APLF: variants seen among roughly 807,000 people sequenced by gnomAD.
APLF encodes the protein aprataxin and PNK-like factor.
APLF carries 61 observed loss-of-function variants against 55.6 expected under a neutral mutation model. The ratio of observed to expected loss-of-function variants is 1.10; its 90% CI spans 0.89 to 1.36. The LOEUF (loss-of-function observed/expected upper bound fraction) is 1.36, where lower values mean the gene tolerates loss of function less well. Among genes scored for constraint, APLF ranks in the 40% most tolerant of loss-of-function variants. The probability of loss-of-function intolerance (pLI) is 0.00; values close to 1 mark genes in which losing one functional copy is unlikely to be tolerated. For missense variants in APLF, 611 were observed against 602.5 expected (o/e 1.01, Z -0.15); for synonymous variants, 207 against 214.8 (o/e 0.96, Z 0.32).
chr2:68,493,296 A>G (rs908239092), intron 2 of APLF, among the ~76,000 whole-genome samples: 1 of 152,156 alleles, frequency 6.6e-6, no homozygotes, highest in African/African-American at 2.4e-5. Context: ...AGTTTTTATC[A>G]GTAAATGGTA....
intron 1 of APLF, among the ~76,000 whole-genome samples, chr2:68,482,545 C>T (rs548595508): frequency 6.6e-6 from 1 of 152,244 alleles, no homozygotes; most frequent in East Asian, 1.9e-4. Flanking sequence ...TAGGCTACTT[C>T]TCAGGCTGAG....
chr2:68,481,384 T>TTTGTTTTTG lies in APLF; in HGVS notation c.97-8804_97-8803insGTTTTTGTT, dbSNP rs1359145048. On this transcript the variant is annotated intron_variant, in intron 1 of 9. Coordinates refer to ENST00000303795, the MANE Select transcript of APLF (RefSeq NM_173545.3). ...GCAGTTTTGTTTTGTTTTGTTTTGT[T>TTTGTTTTTG]TTTGTTTGTTTGTTTGTTTTTTCCT... 8.4e-4 allele frequency among the ~76,000 whole-genome samples: 124 copies of TTTGTTTTTG among 146,886 alleles called. 3 individuals carry two copies. The East Asian group carries it at 0.024, about 29-fold the overall frequency.
chr2:68,518,959 A>G (rs1669788202), intron 5 of APLF, among the ~76,000 whole-genome samples: 1 of 123,626 alleles, frequency 8.1e-6, no homozygotes, highest in Non-Finnish European at 1.6e-5. Flanking sequence ...ATTATTAATA[A>G]TACATAATAA....
chr2:68,513,799 G>GTA, intron 5 of APLF, 119 bp downstream of exon 5: 1 of 1,158,892 alleles, frequency 8.6e-7, no homozygotes, highest in Non-Finnish European at 1.2e-6. Context: ...TTGTGTAAGT[G>GTA]TATAGCCTAG....
In APLF at chr2:68,526,111, C is replaced by T; in HGVS notation, c.673C>T (p.Gln225Ter). ...GKEEICKDKS[Q>*]LNTTQQGRRQ... ...AGAAGAAATCTGCAAAGATAAATCC[C>T]AGCTAAACACAACCCAGCAAGGAAG... The change falls in exon 6 of 10, where the codon CAG becomes TAG. Residue 225 changes from glutamine to a stop codon, truncating the protein, a stop_gained. Transcript: ENST00000303795. LOFTEE classifies it high-confidence loss of function. 6.2e-7 allele frequency: 1 copy of T among 1,613,658 alleles called. No homozygotes were observed. The highest frequency in any genetic ancestry group is 2.2e-5 in the East Asian group (1 of 44,846).
At chr2:68,514,568 A>G (rs1218413455) in intron 5 of APLF, among the ~76,000 whole-genome samples, 1 of 151,744 alleles carries the variant, frequency 6.6e-6, no homozygotes, top group Non-Finnish European at 1.5e-5. Context: ...TGGGCCCCAT[A>G]CAAATGTAGT....
chr2:68,518,530 A>G (rs1310956718), intron 5 of APLF, among the ~76,000 whole-genome samples: 1 of 117,706 alleles, frequency 8.5e-6, no homozygotes, highest in Non-Finnish European at 1.6e-5. Context: ...TATATTATAT[A>G]TTAATATATA....
At chr2:68,554,204 A>G (rs976752566) in intron 8 of APLF, among the ~76,000 whole-genome samples, 13 of 152,034 alleles carry the variant, frequency 8.6e-5, no homozygotes, top group Non-Finnish European at 1.9e-4. Context: ...AAAAAATAGG[A>G]TATGGATCAT....
intron 3 of APLF, among the ~76,000 whole-genome samples, chr2:68,503,232 AC>A (rs1249272372): frequency 1.1e-4 from 16 of 152,300 alleles, no homozygotes; most frequent in Admixed American, 2.6e-4. Context: ...GAAATTGACT[AC>A]CTTTTCCTCA....
intron 8 of APLF, among the ~76,000 whole-genome samples, chr2:68,551,436 A>G (rs1670857106): frequency 6.6e-6 from 1 of 151,394 alleles, no homozygotes; most frequent in African/African-American, 2.4e-5. Flanking sequence ...TATTGTGTCT[A>G]CTCTATTTTA....
intron 7 of APLF, among the ~76,000 whole-genome samples, chr2:68,539,824 A>G (rs1049648680): frequency 1.3e-5 from 2 of 152,168 alleles, no homozygotes; most frequent in African/African-American, 2.4e-5. Context: ...AGTTTCTCCC[A>G]TGATGTTGGG....
chr2:68,567,934 T>G lies in APLF; in HGVS notation c.1333+547T>G, dbSNP rs1246169859. 2.0e-5 allele frequency among the ~76,000 whole-genome samples: 3 copies of G among 152,068 alleles called. No individual in the cohort carries two copies. The East Asian group carries it at 5.8e-4, about 29-fold the overall frequency. ...ATGATTCCTAGGAAAAATCAGAAAA[T>G]TCACTTTTTATTACTGGATTAGATC... On this transcript the variant is annotated intron_variant, in intron 9 of 9. Coordinates refer to ENST00000303795, the MANE Select transcript of APLF (RefSeq NM_173545.3).
At chr2:68,494,115 A>G (rs1430840218) in intron 2 of APLF, among the ~76,000 whole-genome samples, 4 of 144,142 alleles carry the variant, frequency 2.8e-5, no homozygotes, top group South Asian at 2.2e-4. Context: ...CCCAAAAGAG[A>G]AAAAAAAAAA....
chr2:68,519,003 T>TATTAATATATAATAATATATAATATATG (rs1427579033), intron 5 of APLF, among the ~76,000 whole-genome samples: 5 of 114,480 alleles, frequency 4.4e-5, no homozygotes, highest in South Asian at 2.3e-4. Flanking sequence ...GATAATATAT[T>TATTAATATATAATAATATATAATATATG]ATTAATATAT....
intron 1 of APLF, among the ~76,000 whole-genome samples, chr2:68,489,631 C>T (rs1676293177): frequency 6.6e-6 from 1 of 152,170 alleles, no homozygotes; most frequent in South Asian, 2.1e-4. Flanking sequence ...TTGGTTTTCA[C>T]TATTCCCCTT....
chr2:68,580,104 T>C lies in APLF; in HGVS notation c.*2082T>C. 1 of 942,184 alleles carries C rather than the reference T, an allele frequency of 1.1e-6. No individual in the cohort carries two copies. The highest frequency in any genetic ancestry group is 1.3e-6 in the Non-Finnish European group (1 of 790,418). 58.4% of individuals were successfully genotyped at this position (942,184 alleles called of 1,614,324 possible). A position where few individuals can be genotyped will look rare whatever the true frequency, so the allele number is the denominator to read the frequency against. On this transcript the variant is annotated 3_prime_UTR_variant, in exon 10 of 10. Coordinates refer to ENST00000303795, the MANE Select transcript of APLF (RefSeq NM_173545.3). ...TACAGTTTTAATGCAACTTTCATAA[T>C]CATCCTGAAGACACTTTTGAGTATA...
intron 8 of APLF, among the ~76,000 whole-genome samples, chr2:68,562,592 G>A (rs536645770): frequency 4.7e-4 from 72 of 152,120 alleles, no homozygotes; most frequent in African/African-American, 1.7e-3. Flanking sequence ...ATATTCTGGA[G>A]CTATTTCCCA....
intron 2 of APLF, among the ~76,000 whole-genome samples, chr2:68,500,184 T>C (rs1053255382): frequency 3.3e-5 from 5 of 152,224 alleles, no homozygotes; most frequent in African/African-American, 1.2e-4. Context: ...CATTGATTTT[T>C]TAACTTATTC....
chr2:68,542,881 G>A (rs1670595016), intron 7 of APLF, among the ~76,000 whole-genome samples: 1 of 152,122 alleles, frequency 6.6e-6, no homozygotes, highest in Non-Finnish European at 1.5e-5. Flanking sequence ...TACCCAGGAG[G>A]TAGAAGGAAC....
Sources: allele counts gnomAD v4.1 joint callset (sites outside exome capture counted in the v4.1 genomes callset), GRCh38; gene constraint gnomAD v4.1.1; transcripts MANE v1.5; gene names NCBI Gene and HGNC (gene_info 2026-07-23, HGNC 2026-07-21).